ADGRE2: variants seen among roughly 807,000 people sequenced by gnomAD.
The protein encoded by ADGRE2 is CD97 antigen.
A neutral mutation model predicts 100.8 loss-of-function variants in ADGRE2; 83 were observed. The ratio of observed to expected loss-of-function variants is 0.82; its 90% CI spans 0.69 to 0.99. ADGRE2 has a LOEUF of 0.99. Among genes scored for constraint, ADGRE2 ranks in the 50% least tolerant of loss-of-function variants. The probability of loss-of-function intolerance (pLI) is 0.00; values close to 1 mark genes in which losing one functional copy is unlikely to be tolerated. For missense variants in ADGRE2, 814 were observed against 1,035.7 expected (o/e 0.79, Z 2.94); for synonymous variants, 355 against 413.0 (o/e 0.86, Z 1.70).
intron 20 of ADGRE2, 119 bp from the exon 21 acceptor site, chr19:14,736,363 G>A: frequency 1.6e-6 from 1 of 610,696 alleles, no homozygotes. Context: ...CCAGGTTCAA[G>A]CAATTCTCCT....
At chr19:14,747,144 C>T (rs901008323) in intron 16 of ADGRE2, among the ~76,000 whole-genome samples, 182 bp from the exon 17 acceptor site, 2 of 152,020 alleles carry the variant, frequency 1.3e-5, no homozygotes, top group South Asian at 2.1e-4. Flanking sequence ...AAAATGAACA[C>T]GGTCTTAGAT....
rs2147227267 is a variant in ADGRE2, at chr19:14,751,598, G to A, written c.1862C>T (p.Ala621Val). The A allele has an allele frequency of 1.9e-6, 3 of 1,613,978 alleles. No homozygotes were observed. Among genetic ancestry groups the A allele is most frequent in the East Asian group, 2.2e-5 (1 of 44,868 alleles). Residue 621 changes from alanine (A) to valine (V), a missense_variant, in exon 16 of 21, where the codon GCC (alanine) becomes GTC (valine). Around this residue, in one of 5 missense-constraint regions of ADGRE2, gnomAD observed 569 missense variants for 692.7 expected, o/e 0.82. Transcript: ENST00000315576. ...LATLTWMLLEALYLFLTARNL... is the reference protein window; with the variant it reads ...LATLTWMLLEVLYLFLTARNL... ...CCGTGCAGTGAGGAAGAGGTACAGG[G>A]CCTCCAGCAGCATCCAGGTCAAGGT...
chr19:14,755,562 C>T (rs2043468850), intron 13 of ADGRE2, 92 bp downstream of exon 13: 1 of 1,158,032 alleles, frequency 8.6e-7, no homozygotes, highest in African/African-American at 1.5e-5. Flanking sequence ...GTACCCATAA[C>T]AGAGACCCCT....
chr19:14,730,552 G>A (rs1321840462), downstream of ADGRE2, among the ~76,000 whole-genome samples: 1 of 132,280 alleles, frequency 7.6e-6, no homozygotes, highest in Non-Finnish European at 1.7e-5. Context: ...TGTATTTCTT[G>A]CACTGTAAAT....
At chr19:14,724,698 G>A in the ADGRE2 span, among the ~76,000 whole-genome samples, 4 of 149,806 alleles carry the variant, frequency 2.7e-5, no homozygotes, top group African/African-American at 5.0e-5. Flanking sequence ...CCCAGGAGGC[G>A]GAGGTTGCAG....
At chr19:14,757,205 G>C (rs973231613) in intron 11 of ADGRE2, among the ~76,000 whole-genome samples, 1 of 152,144 alleles carries the variant, frequency 6.6e-6, no homozygotes, top group African/African-American at 2.4e-5. Flanking sequence ...GCCTACAAAA[G>C]TGTTTGAAAG....
At chr19:14,768,190 C>T (rs2044063183) in intron 5 of ADGRE2, among the ~76,000 whole-genome samples, 1 of 152,008 alleles carries the variant, frequency 6.6e-6, no homozygotes, top group Admixed American at 6.5e-5. Context: ...GAGAGCCCAG[C>T]TCCAGGCACA....
chr19:14,727,271 G>A, the ADGRE2 span, among the ~76,000 whole-genome samples: 233 of 152,092 alleles, frequency 1.5e-3, no homozygotes, highest in African/African-American at 4.8e-3. Flanking sequence ...CTTGTGATCC[G>A]CCCGCCTTGG....
At chr19:14,737,120 T>C (rs1016001825) in intron 20 of ADGRE2, among the ~76,000 whole-genome samples, 8 of 150,848 alleles carry the variant, frequency 5.3e-5, no homozygotes, top group African/African-American at 1.9e-4. Context: ...CATAACTTCA[T>C]GGGTTAAACC....
intron 5 of ADGRE2, among the ~76,000 whole-genome samples, chr19:14,771,580 G>A (rs2044208345): frequency 6.6e-6 from 1 of 152,084 alleles, no homozygotes; most frequent in South Asian, 2.1e-4. Flanking sequence ...GGCCCCACAG[G>A]AGCCCAGCTT....
rs1245315125 is a variant in ADGRE2, at chr19:14,735,483, T to G, written c.*753A>C. The G allele has an allele frequency of 6.6e-6, 1 of 152,270 alleles. No homozygotes were observed. The highest frequency in any genetic ancestry group is 1.5e-5 in the Non-Finnish European group (1 of 68,056). 9.4% of individuals were successfully genotyped at this position (152,270 alleles called of 1,614,324 possible). ...ATTTGCTTGGAATATTTAGGAGTTT[T>G]GCAGGTCATTCCTTTGAAATGGAAT... On this transcript the variant is annotated 3_prime_UTR_variant, in exon 21 of 21. Coordinates refer to ENST00000315576, the MANE Select transcript of ADGRE2 (RefSeq NM_013447.4).
chr19:14,736,653 T>C (rs2042752051), intron 20 of ADGRE2, among the ~76,000 whole-genome samples: 1 of 146,792 alleles, frequency 6.8e-6, no homozygotes, highest in Non-Finnish European at 1.5e-5. Flanking sequence ...TAGAAATACA[T>C]AGATATTTCT....
intron 20 of ADGRE2, among the ~76,000 whole-genome samples, chr19:14,736,937 AT>A (rs2042776137): frequency 9.3e-6 from 1 of 106,980 alleles, no homozygotes; most frequent in Admixed American, 9.3e-5. Flanking sequence ...ATTTAGAAAT[AT>A]ATATGACTAT....
At chr19:14,754,631 G>A (rs1440072423) in intron 14 of ADGRE2, among the ~76,000 whole-genome samples, 3 of 152,150 alleles carry the variant, frequency 2.0e-5, no homozygotes, top group Non-Finnish European at 2.9e-5. Context: ...GATATGAGTG[G>A]CCTCTAGGAA....
intron 11 of ADGRE2, among the ~76,000 whole-genome samples, chr19:14,761,078 T>C (rs953033698): frequency 6.6e-6 from 1 of 152,204 alleles, no homozygotes; most frequent in African/African-American, 2.4e-5. Context: ...ACATATTTGA[T>C]TGATGTCTCA....
chr19:14,751,743 T>C (rs2524384), intron 15 of ADGRE2, 72 bp from the exon 16 acceptor site: 1 of 1,081,736 alleles, frequency 9.2e-7, no homozygotes, highest in East Asian at 2.5e-5. Flanking sequence ...TCCTGTACCA[T>C]GTTGTTGGGG....
At chr19:14,768,348 CT>C (rs1380068024) in intron 5 of ADGRE2, among the ~76,000 whole-genome samples, 5 of 152,290 alleles carry the variant, frequency 3.3e-5, no homozygotes, top group Admixed American at 3.3e-4. Context: ...GTGAAGGTGC[CT>C]TTTTTTGATC....
chr19:14,732,765 CTGT>C lies in ADGRE2; in HGVS notation c.*3468_*3470del, dbSNP rs2042685009. The stretch of plus-strand genomic sequence containing the variant: ...ATCATTCATTTATGATTGTCTATAG[CTGT>C]TTTCATATCACAATGGAAGTTCAAG... On this transcript the variant is annotated 3_prime_UTR_variant, in exon 21 of 21. Transcript: ENST00000315576. 6.6e-6 allele frequency: 1 copy of C among 152,032 alleles called. No homozygotes were observed. The highest frequency in any genetic ancestry group is 2.4e-5 in the African/African-American group (1 of 41,374). 9.4% of individuals were successfully genotyped at this position (152,032 alleles called of 1,614,324 possible).
rs3795035 is a variant in ADGRE2, at chr19:14,769,576, G to A, written c.356-2467C>T. Among the ~76,000 whole-genome samples the A allele has an allele frequency of 3.9e-3, 590 of 152,302 alleles. 8 individuals are homozygous for A. In the East Asian group the frequency reaches 0.043, roughly 11 times the overall value. On this transcript the variant is annotated intron_variant, in intron 5 of 20. Transcript: ENST00000315576. ...TCCGAACTAGCAGGCTGTTCTGTGCGGATGGGGTCCATGAGAGCCCTCTCC... is the reference window on the plus strand; with the variant it reads ...TCCGAACTAGCAGGCTGTTCTGTGCAGATGGGGTCCATGAGAGCCCTCTCC...
Sources: allele counts gnomAD v4.1 joint callset (sites outside exome capture counted in the v4.1 genomes callset), GRCh38; gene constraint gnomAD v4.1.1; regional missense constraint gnomAD v4.1.1; transcripts MANE v1.5; gene names NCBI Gene and HGNC (gene_info 2026-07-23, HGNC 2026-07-21).